SGIP1: variants seen among roughly 807,000 people sequenced by gnomAD.
SGIP1 encodes the protein SH3-containing GRB2-like protein 3-interacting protein 1.
Under a neutral mutation model 107.5 loss-of-function variants are expected in SGIP1, and 38 were observed. The ratio of observed to expected loss-of-function variants is 0.35; its 90% confidence interval spans 0.27 to 0.46. The LOEUF (loss-of-function observed/expected upper bound fraction) is 0.46. Among genes scored for constraint, SGIP1 ranks in the 20% least tolerant of loss-of-function variants. The pLI is 1.00. For synonymous variants in SGIP1, 365 were observed against 366.1 expected (o/e 1.00, Z 0.03); for missense variants, 929 against 1,019.5 (o/e 0.91, Z 1.21).
intron 7 of SGIP1, among the ~76,000 whole-genome samples, chr1:66,651,122 G>T (rs2149576856): frequency 6.6e-6 from 1 of 152,282 alleles, no homozygotes; most frequent in African/African-American, 2.4e-5. Flanking sequence ...TCTAAAAGAG[G>T]TGCTTAGTAA....
intron 5 of SGIP1, among the ~76,000 whole-genome samples, chr1:66,641,198 T>C (rs1311839219): frequency 6.6e-6 from 1 of 152,066 alleles, no homozygotes; most frequent in African/African-American, 2.4e-5. Flanking sequence ...GTTTAAGTGC[T>C]CTTATACACA....
intron 1 of SGIP1, among the ~76,000 whole-genome samples, chr1:66,613,047 T>C (rs781422941): frequency 2.0e-5 from 3 of 152,250 alleles, no homozygotes; most frequent in Non-Finnish European, 4.4e-5. Context: ...ATAATTTAAA[T>C]GCTAGCTTTT....
At chr1:66,726,601 G>T (rs377595055) in intron 19 of SGIP1, among the ~76,000 whole-genome samples, 1 of 152,156 alleles carries the variant, frequency 6.6e-6, no homozygotes, top group African/African-American at 2.4e-5. Context: ...AGGGCAATTA[G>T]ATTTCAACAA....
intron 1 of SGIP1, among the ~76,000 whole-genome samples, chr1:66,537,890 T>C (rs537351666): frequency 6.6e-6 from 1 of 152,228 alleles, no homozygotes; most frequent in East Asian, 1.9e-4. Flanking sequence ...ACAAAGCTCA[T>C]GTTTTTGACC....
intron 1 of SGIP1, among the ~76,000 whole-genome samples, chr1:66,574,521 A>G (rs2060796034): frequency 6.6e-6 from 1 of 152,180 alleles, no homozygotes; most frequent in African/African-American, 2.4e-5. Context: ...TACATCTATG[A>G]GAACAATTAG....
Position 66,579,242 on chromosome 1 carries a change from G to GT in SGIP1, c.10+44877dup, listed in dbSNP as rs199777057. On this transcript the variant is annotated intron_variant, in intron 1 of 24. Coordinates refer to ENST00000371037, the MANE Select transcript of SGIP1 (RefSeq NM_032291.4). ...CTACCATGTCAGTACCCAACATGCT[G>GT]TTTCCCGAAGCTACATGTACTCAGC... Among the ~76,000 whole-genome samples the GT allele has an allele frequency of 6.3e-3, 956 of 152,228 alleles. 14 individuals carry two copies. Among genetic ancestry groups the GT allele is most frequent in the African/African-American group, 0.022 (920 of 41,542 alleles).
At chr1:66,648,428 A>G (rs1360130567) in intron 7 of SGIP1, among the ~76,000 whole-genome samples, 1 of 152,196 alleles carries the variant, frequency 6.6e-6, no homozygotes. Context: ...GAATGGAACC[A>G]GGCTAAGGAC....
intron 22 of SGIP1, among the ~76,000 whole-genome samples, chr1:66,740,241 G>A (rs1415614292): frequency 6.6e-6 from 1 of 152,164 alleles, no homozygotes; most frequent in Non-Finnish European, 1.5e-5. Flanking sequence ...TAAAGGACTT[G>A]TTCTAGAAAG....
intron 17 of SGIP1, among the ~76,000 whole-genome samples, chr1:66,692,590 T>TC (rs1450430105): frequency 1.3e-5 from 2 of 152,162 alleles, no homozygotes; most frequent in East Asian, 3.8e-4. Context: ...AAGGGCCTAA[T>TC]CATAACTGAC....
chr1:66,556,841 A>G lies in SGIP1; in HGVS notation c.10+22473A>G, dbSNP rs146584938. Among the ~76,000 whole-genome samples, 24 of 152,192 alleles carry G rather than the reference A, an allele frequency of 1.6e-4. No homozygotes were observed. In the East Asian group the frequency reaches 3.7e-3, roughly 23 times the overall value. On this transcript the variant is annotated intron_variant, in intron 1 of 24. Transcript: ENST00000371037. ...TAGTTAACCTTAATATTTTTGCTCT[A>G]CTTGAAAGCTTTTCCCTTAGAAAAG...
Position 66,689,204 on chromosome 1 carries a change from C to T in SGIP1, c.1372C>T (p.Pro458Ser). The T allele has an allele frequency of 6.2e-7, 1 of 1,613,920 alleles. No homozygotes were observed. Among genetic ancestry groups the T allele is most frequent in the Admixed American group, 1.7e-5 (1 of 60,008 alleles). ...TPLVPCRSTT[P>S]PPPPPRPPSR... ...TTTGGTTCCTTGCAGAAGTACCACT[C>T]CACCTCCACCTCCTCCCCGGCCTCC... Residue 458 changes from proline to serine, a missense_variant, in exon 16 of 25, where the codon CCA becomes TCA. Pro to Ser is a moderately conservative substitution (Grantham distance 74). This residue lies in a region of SGIP1 where 588 missense variants were observed against 588.6 expected (regional missense o/e 1.00). Transcript: ENST00000371037.
chr1:66,626,666 T>C (rs535282399), intron 2 of SGIP1, among the ~76,000 whole-genome samples: 1 of 152,182 alleles, frequency 6.6e-6, no homozygotes, highest in Non-Finnish European at 1.5e-5. Flanking sequence ...AGGTAACTTA[T>C]ATATGTGAAG....
At chr1:66,666,409 G>A (rs1283211847) in intron 8 of SGIP1, 3 of 174,944 alleles carry the variant, frequency 1.7e-5, no homozygotes, top group East Asian at 3.7e-4. Flanking sequence ...GCAGTGTGAT[G>A]CCTCCAGCTT....
chr1:66,607,361 G>A (rs1352852485), intron 1 of SGIP1, among the ~76,000 whole-genome samples: 1 of 152,214 alleles, frequency 6.6e-6, no homozygotes, highest in Non-Finnish European at 1.5e-5. Flanking sequence ...AATAAAACCT[G>A]CTAGACACTG....
intron 21 of SGIP1, among the ~76,000 whole-genome samples, chr1:66,737,742 A>G (rs995402845): frequency 1.3e-5 from 2 of 152,174 alleles, no homozygotes; most frequent in African/African-American, 4.8e-5. Context: ...TGAAATGTCA[A>G]CAGTCCTAGA....
At chr1:66,577,756 CTGTGTG>C (rs6143251) in intron 1 of SGIP1, among the ~76,000 whole-genome samples, 23,382 of 144,784 alleles carry the variant, frequency 0.16, 2,102 homozygotes, top group South Asian at 0.32. Context: ...TAATGCAGTC[CTGTGTG>C]TGTGTGTGTG....
At chr1:66,700,240 A>G (rs974453987) in intron 18 of SGIP1, among the ~76,000 whole-genome samples, 4 of 152,078 alleles carry the variant, frequency 2.6e-5, no homozygotes, top group African/African-American at 9.7e-5. Flanking sequence ...GCATGGTGGC[A>G]CGTGCCTGTA....
intron 1 of SGIP1, among the ~76,000 whole-genome samples, chr1:66,555,633 G>A (rs760057637): frequency 4.6e-5 from 7 of 152,202 alleles, no homozygotes; most frequent in South Asian, 2.1e-4. Flanking sequence ...CAATGGCATC[G>A]ATTTAGCAGC....
At chr1:66,643,778 C>T in intron 7 of SGIP1, 59 bp downstream of exon 7, 1 of 1,444,090 alleles carries the variant, frequency 6.9e-7, no homozygotes, top group Non-Finnish European at 9.2e-7. Context: ...CTATGTTCTG[C>T]CTATATGCAT....
Sources: allele counts gnomAD v4.1 joint callset (sites outside exome capture counted in the v4.1 genomes callset), GRCh38; gene constraint gnomAD v4.1.1; regional missense constraint gnomAD v4.1.1; transcripts MANE v1.5; gene names NCBI Gene and HGNC (gene_info 2026-07-23, HGNC 2026-07-21).